Variants in PATJ observed in about 807,000 individuals in gnomAD.
The protein encoded by PATJ is inaD-like protein.
PATJ carries 190 observed loss-of-function variants against 224.9 expected under a neutral mutation model. The observed-to-expected ratio is 0.84, with a 90% confidence interval of 0.75 to 0.95. The LOEUF (loss-of-function observed/expected upper bound fraction) is 0.95, where lower values mean the gene tolerates loss of function less well. Ranked by LOEUF, PATJ falls within the 40% of genes least tolerant of loss-of-function variation. The pLI is 0.00. For synonymous variants in PATJ, 769 were observed against 820.3 expected, an observed-to-expected ratio of 0.94 and a Z score of 1.07; for missense variants, 2,121 against 2,270.3, an observed-to-expected ratio of 0.93 and a Z score of 1.34.
chr1:61,924,853 C>T (rs923525066), intron 26 of PATJ, among the ~76,000 whole-genome samples: 1 of 152,150 alleles, frequency 6.6e-6, no homozygotes, highest in African/African-American at 2.4e-5. Flanking sequence ...GAATGTAAAA[C>T]CCTACTGGTT....
chr1:62,023,393 A>G (rs1016181785), intron 29 of PATJ, among the ~76,000 whole-genome samples: 2 of 152,222 alleles, frequency 1.3e-5, no homozygotes, highest in African/African-American at 4.8e-5. Context: ...AACTTTCATA[A>G]AGAAACATTC....
intron 7 of PATJ, among the ~76,000 whole-genome samples, chr1:61,779,045 C>T (rs1647095706): frequency 7.8e-5 from 1 of 12,890 alleles, no homozygotes; most frequent in South Asian, 0.062. Context: ...AATATAATGA[C>T]ATAATATACA....
chr1:61,975,222 C>G (rs1181593351), intron 27 of PATJ, among the ~76,000 whole-genome samples: 1 of 152,026 alleles, frequency 6.6e-6, no homozygotes, highest in Non-Finnish European at 1.5e-5. Flanking sequence ...GCTGGAATTA[C>G]AGGCATGAGC....
At chr1:62,106,109 C>CAT (rs1662929032) in intron 33 of PATJ, among the ~76,000 whole-genome samples, 1 of 81,448 alleles carries the variant, frequency 1.2e-5, no homozygotes, top group African/African-American at 4.3e-5. Context: ...CACACACACA[C>CAT]ACACACACAC....
intron 18 of PATJ, 124 bp from the exon 19 acceptor site, chr1:61,861,427 T>C (rs1302587618): frequency 1.9e-6 from 1 of 525,150 alleles, no homozygotes; most frequent in Non-Finnish European, 3.4e-6. Context: ...ACTGCACTTA[T>C]CAACCCATCA....
At chr1:61,934,892 G>A (rs904922900) in intron 27 of PATJ, among the ~76,000 whole-genome samples, 3 of 152,132 alleles carry the variant, frequency 2.0e-5, no homozygotes, top group Non-Finnish European at 2.9e-5. Flanking sequence ...CTGCCGAACC[G>A]CACCATCCAC....
intron 26 of PATJ, among the ~76,000 whole-genome samples, chr1:61,919,781 A>G (rs548455997): frequency 3.3e-5 from 5 of 152,240 alleles, no homozygotes; most frequent in Admixed American, 1.3e-4. Flanking sequence ...CCACATGAAT[A>G]TTTTTTAAAA....
At chr1:61,796,743 T>TCTTTC (rs71050162) in intron 10 of PATJ, among the ~76,000 whole-genome samples, 17 of 138,016 alleles carry the variant, frequency 1.2e-4, no homozygotes, top group South Asian at 2.4e-4. Context: ...TTTCTTTCTT[T>TCTTTC]TTTTTCTTCC....
At chr1:62,138,534 T>C (rs966308188) in intron 41 of PATJ, among the ~76,000 whole-genome samples, 2 of 152,172 alleles carry the variant, frequency 1.3e-5, no homozygotes, top group East Asian at 3.8e-4. Flanking sequence ...CACAAACTCC[T>C]GACCTCAGGT....
At position 62,073,272 on chromosome 1, in the gene PATJ, T is replaced by C. The variant is rs146475955; in HGVS notation, c.4126-6178T>C. On this transcript the variant is annotated intron_variant, in intron 31 of 43. Transcript: ENST00000642238. ...AACTGTATCATTGATTCTGTGCAAG[T>C]TGATGCAAATATCTTGTGTTCACCT... The C allele has an allele frequency of 7.7e-3, 7,613 of 985,304 alleles. 56 individuals carry two copies. The highest frequency in any genetic ancestry group is 0.031 in the Middle Eastern group (60 of 1,914). 61.0% of individuals were successfully genotyped at this position (985,304 alleles called of 1,614,324 possible). A position where few individuals can be genotyped will look rare whatever the true frequency, so the allele number is the denominator to read the frequency against.
rs761479413 is a variant in PATJ, at chr1:62,117,171, C to A, written c.4843C>A (p.Arg1615=). Residue 1615 remains arginine (R), a synonymous_variant, in exon 37 of 44, where the codon CGA becomes AGA. Coordinates refer to ENST00000642238, the MANE Select transcript of PATJ (RefSeq NM_001350145.3). ...TGTGCAGCTAGAGATTGGAAGACTC[C>A]GAGCTGGTTCCTGGACCTCCGCAAG... ...GLVQLEIGRL[R]AGSWTSARTT... 1 of 1,613,962 alleles carries A rather than the reference C, an allele frequency of 6.2e-7. No individual in the cohort carries two copies. The highest frequency in any genetic ancestry group is 8.5e-7 in the Non-Finnish European group (1 of 1,180,028).
intron 31 of PATJ, chr1:62,073,025 A>T: frequency 2.0e-6 from 2 of 985,282 alleles, no homozygotes; most frequent in Non-Finnish European, 2.4e-6. Context: ...TTTCAGGAAG[A>T]CATGTCCCAG....
At chr1:62,119,876 G>A (rs565402043) in intron 37 of PATJ, among the ~76,000 whole-genome samples, 3 of 152,238 alleles carry the variant, frequency 2.0e-5, no homozygotes, top group East Asian at 3.9e-4. Context: ...CCTGGGAGGC[G>A]GAGGTTGCAG....
intron 27 of PATJ, among the ~76,000 whole-genome samples, chr1:61,959,486 G>A (rs971195352): frequency 9.0e-5 from 13 of 144,704 alleles, no homozygotes; most frequent in South Asian, 4.3e-4. Flanking sequence ...CCAGGCTGGA[G>A]TGCAGTGGCA....
intron 41 of PATJ, among the ~76,000 whole-genome samples, chr1:62,141,761 G>A (rs1667528633): frequency 6.6e-6 from 1 of 151,430 alleles, no homozygotes; most frequent in Admixed American, 6.6e-5. Context: ...ACCTGAGGTC[G>A]AGTTTGAGAA....
chr1:62,063,280 A>G (rs1655860357), intron 31 of PATJ, among the ~76,000 whole-genome samples: 1 of 151,990 alleles, frequency 6.6e-6, no homozygotes, highest in South Asian at 2.1e-4. Context: ...CACATTTCTT[A>G]TTTTTGTTGA....
At chr1:61,760,898 C>T (rs952502047) in intron 1 of PATJ, among the ~76,000 whole-genome samples, 2 of 152,030 alleles carry the variant, frequency 1.3e-5, no homozygotes, top group Non-Finnish European at 2.9e-5. Context: ...AGGTGTGAGC[C>T]GTGGCGCCCA....
At chr1:62,005,305 C>T (rs1436355255) in intron 28 of PATJ, among the ~76,000 whole-genome samples, 1 of 151,930 alleles carries the variant, frequency 6.6e-6, no homozygotes, top group Non-Finnish European at 1.5e-5. Context: ...AGTGATCCAC[C>T]CACCTTGGCT....
At chr1:61,892,534 T>C (rs1299512513) in intron 22 of PATJ, among the ~76,000 whole-genome samples, 2 of 152,186 alleles carry the variant, frequency 1.3e-5, no homozygotes, top group Non-Finnish European at 2.9e-5. Flanking sequence ...ATTATAACTT[T>C]AGGCATTTGT....
Sources: allele counts gnomAD v4.1 joint callset (sites outside exome capture counted in the v4.1 genomes callset), GRCh38; gene constraint gnomAD v4.1.1; transcripts MANE v1.5; gene names NCBI Gene and HGNC (gene_info 2026-07-23, HGNC 2026-07-21).